SCN11A: variants seen among roughly 807,000 people sequenced by gnomAD.
The protein encoded by SCN11A is sodium channel protein type 11 subunit alpha.
In SCN11A, 122 loss-of-function variants were observed where a neutral mutation model predicts 162.2. The observed-to-expected ratio is 0.75, with a 90% CI of 0.65 to 0.87. SCN11A has a LOEUF of 0.87. Ranked by LOEUF, SCN11A falls within the 40% of genes least tolerant of loss-of-function variation. The pLI, the probability that SCN11A is intolerant of heterozygous loss-of-function variation, is 0.00. For missense variants in SCN11A, 2,015 were observed against 2,181.6 expected (o/e 0.92, Z 1.52); for synonymous variants, 758 against 751.5 (o/e 1.01, Z -0.14).
intron 2 of SCN11A, among the ~76,000 whole-genome samples, chr3:39,023,211 A>C (rs1479665571): frequency 6.6e-6 from 1 of 151,222 alleles, no homozygotes; most frequent in Non-Finnish European, 1.5e-5. Flanking sequence ...TGAATTGATA[A>C]TGGTTGATGC....
chr3:38,853,872 A>G (rs7635778), intron 28 of SCN11A, among the ~76,000 whole-genome samples: 5,386 of 152,224 alleles, frequency 0.035, 130 homozygotes, highest in South Asian at 0.065. Flanking sequence ...TTATAACCCA[A>G]TGCTCTAAAG....
intron 7 of SCN11A, among the ~76,000 whole-genome samples, chr3:38,939,710 C>T (rs1384857722): frequency 6.6e-6 from 1 of 151,980 alleles, no homozygotes; most frequent in Non-Finnish European, 1.5e-5. Context: ...TAGAGATCAG[C>T]CTGACCAACA....
chr3:39,049,508 CAAT>C (rs1340675686), intron 1 of SCN11A, among the ~76,000 whole-genome samples: 3 of 152,200 alleles, frequency 2.0e-5, no homozygotes, highest in Admixed American at 1.3e-4. Context: ...AGAACTCCCT[CAAT>C]GATGGGGAGG....
chr3:39,012,415 GCT>G lies in SCN11A; in HGVS notation c.-280+19963_-280+19964del, dbSNP rs2031167533. Among the ~76,000 whole-genome samples the G allele has an allele frequency of 3.4e-5, 5 of 148,444 alleles. No homozygotes were observed. The South Asian group carries it at 1.1e-3, about 31-fold the overall frequency. ...TCCTTCCTTACTTCCTTCCTTCCTT[GCT>G]CTTTCTTTCTTTCTTTCTTTCTCTC... is the stretch of plus-strand genomic sequence containing the variant. On this transcript the variant is annotated intron_variant, in intron 2 of 29. Coordinates refer to ENST00000302328, the MANE Select transcript of SCN11A (RefSeq NM_001349253.2).
intron 23 of SCN11A, among the ~76,000 whole-genome samples, chr3:38,879,167 C>A (rs2065268146): frequency 6.6e-6 from 1 of 152,156 alleles, no homozygotes; most frequent in Admixed American, 6.6e-5. Context: ...CAATCCTGAA[C>A]ATGTTTCTTA....
chr3:38,907,342 G>GTGTGTGTGTGTGTGTA (rs1259248976), intron 14 of SCN11A, among the ~76,000 whole-genome samples: 5 of 31,762 alleles, frequency 1.6e-4, no homozygotes, highest in Non-Finnish European at 4.4e-4. Context: ...GTGTGTGTGT[G>GTGTGTGTGTGTGTGTA]TATATATCTA....
At chr3:39,040,681 A>AT (rs992391544) in intron 1 of SCN11A, among the ~76,000 whole-genome samples, 73 of 152,328 alleles carry the variant, frequency 4.8e-4, no homozygotes, top group African/African-American at 1.7e-3. Flanking sequence ...AACATATATT[A>AT]TTTTTTTAAA....
chr3:38,880,488 T>C (rs557319344), intron 22 of SCN11A, among the ~76,000 whole-genome samples: 1 of 152,298 alleles, frequency 6.6e-6, no homozygotes, highest in African/African-American at 2.4e-5. Flanking sequence ...CCCAGTGGCA[T>C]AGACCATCTC....
Position 38,950,230 on chromosome 3 carries a change from C to T in SCN11A, c.133G>A (p.Gly45Arg). ...KEKKKSKDQT[G>R]EVPQPRPQLD... is the part of the protein sequence containing the mutation. Reference sequence around the variant, plus strand: ...TGAGGCCGAGGCTGGGGTACTTCTCCTGTCTGGTCTTTAGACTTCTTTTTC... The same window carrying T: ...TGAGGCCGAGGCTGGGGTACTTCTCTTGTCTGGTCTTTAGACTTCTTTTTC... The change falls in exon 5 of 30, where the codon GGA becomes AGA. Residue 45 changes from glycine to arginine, a missense_variant. By Grantham distance (125) the Gly-to-Arg change is moderately radical. Transcript: ENST00000302328. 1 of 1,614,090 alleles carries T rather than the reference C, an allele frequency of 6.2e-7. No homozygotes were observed. The highest frequency in any genetic ancestry group is 8.5e-7 in the Non-Finnish European group (1 of 1,180,024).
chr3:38,949,138 T>C (rs1383931574), intron 5 of SCN11A, among the ~76,000 whole-genome samples: 1 of 152,226 alleles, frequency 6.6e-6, no homozygotes, highest in African/African-American at 2.4e-5. Context: ...CCATATTTTC[T>C]AGGGCTTCCC....
At chr3:38,927,572 G>T (rs1055984144) in intron 7 of SCN11A, among the ~76,000 whole-genome samples, 2 of 152,096 alleles carry the variant, frequency 1.3e-5, no homozygotes, top group Admixed American at 6.6e-5. Context: ...CAAAGCTACA[G>T]TAATCAAAAT....
chr3:38,911,789 C>A (rs1390382334), intron 11 of SCN11A, among the ~76,000 whole-genome samples: 1 of 151,808 alleles, frequency 6.6e-6, no homozygotes, highest in Non-Finnish European at 1.5e-5. Flanking sequence ...TTTTGCTGTT[C>A]TTTTTTCACA....
At chr3:38,872,148 T>C in intron 24 of SCN11A, 45 bp downstream of exon 24, 2 of 1,148,282 alleles carry the variant, frequency 1.7e-6, no homozygotes, top group Non-Finnish European at 2.6e-6. Flanking sequence ...TCTTTCCACC[T>C]TTCTCTGTTA....
At chr3:38,957,010 C>G (rs2066689941) in intron 3 of SCN11A, among the ~76,000 whole-genome samples, 1 of 152,120 alleles carries the variant, frequency 6.6e-6, no homozygotes, top group Admixed American at 6.5e-5. Flanking sequence ...CATCAATAAG[C>G]TAAATTCCTC....
intron 2 of SCN11A, among the ~76,000 whole-genome samples, chr3:38,964,851 A>G (rs2066771596): frequency 6.6e-6 from 1 of 152,246 alleles, no homozygotes; most frequent in Non-Finnish European, 1.5e-5. Flanking sequence ...CACAGCAGGC[A>G]TGATACTGGC....
chr3:39,011,409 G>A (rs974755862), intron 2 of SCN11A, among the ~76,000 whole-genome samples: 7 of 152,198 alleles, frequency 4.6e-5, no homozygotes, highest in African/African-American at 1.4e-4. Flanking sequence ...GCCTGCAGGC[G>A]TGTCCTTCTC....
At chr3:38,941,925 A>G (rs2066448659) in intron 7 of SCN11A, among the ~76,000 whole-genome samples, 1 of 152,200 alleles carries the variant, frequency 6.6e-6, no homozygotes, top group South Asian at 2.1e-4. Flanking sequence ...TAGACTGCAT[A>G]AAAAGCAAAA....
At chr3:38,979,911 C>T (rs2125589974) in intron 2 of SCN11A, among the ~76,000 whole-genome samples, 1 of 152,316 alleles carries the variant, frequency 6.6e-6, no homozygotes, top group Admixed American at 6.5e-5. Flanking sequence ...ATTTAAAACC[C>T]CCTTAGTGCA....
intron 2 of SCN11A, among the ~76,000 whole-genome samples, chr3:39,016,359 C>A (rs2031288637): frequency 6.6e-6 from 1 of 152,136 alleles, no homozygotes; most frequent in African/African-American, 2.4e-5. Flanking sequence ...TGAGGTATTG[C>A]CTGAAACACC....
Sources: gnomAD v4.1 joint callset for allele counts (sites outside exome capture counted in the v4.1 genomes callset) on GRCh38, gnomAD v4.1.1 for gene constraint, MANE v1.5 for transcripts, NCBI Gene and HGNC (gene_info 2026-07-23, HGNC 2026-07-21) for gene names.